Variants in CDH4 observed in about 807,000 individuals in gnomAD.
The protein encoded by CDH4 is cadherin-4.
Under a neutral mutation model 86.0 loss-of-function variants are expected in CDH4, and 33 were observed. The ratio of observed to expected loss-of-function variants is 0.38; its 90% CI spans 0.29 to 0.51. The LOEUF (loss-of-function observed/expected upper bound fraction) is 0.51, where lower values mean the gene tolerates loss of function less well. Among genes scored for constraint, CDH4 ranks in the 20% least tolerant of loss-of-function variants. The pLI is 0.86. For missense variants in CDH4, 1,114 were observed against 1,307.4 expected, an observed-to-expected ratio of 0.85 and a Z score of 2.28; for synonymous variants, 555 against 549.4, an observed-to-expected ratio of 1.01 and a Z score of -0.14.
intron 2 of CDH4, among the ~76,000 whole-genome samples, chr20:61,294,553 C>T (rs564638054): frequency 2.0e-5 from 3 of 152,382 alleles, no homozygotes; most frequent in East Asian, 1.9e-4. Context: ...AACTGGCCCA[C>T]GGTCACCATC....
chr20:61,847,633 C>T (rs73307845), intron 5 of CDH4, among the ~76,000 whole-genome samples: 3,317 of 152,274 alleles, frequency 0.022, 97 homozygotes, highest in African/African-American at 0.067. Context: ...CCTGAGGCTG[C>T]GTAATATAGA....
chr20:61,296,262 CGTGT>C (rs370558703), intron 2 of CDH4, among the ~76,000 whole-genome samples: 1 of 44,500 alleles, frequency 2.2e-5, no homozygotes, highest in African/African-American at 5.0e-5. Flanking sequence ...TGCATGTGTG[CGTGT>C]GTGTGTGTGC....
At chr20:61,434,393 G>A (rs927978297) in intron 2 of CDH4, among the ~76,000 whole-genome samples, 6 of 152,160 alleles carry the variant, frequency 3.9e-5, no homozygotes, top group Admixed American at 1.3e-4. Context: ...AGTTAAAGAC[G>A]TCTCAAGGGA....
intron 13 of CDH4, among the ~76,000 whole-genome samples, chr20:61,931,811 A>C (rs1437406900): frequency 6.6e-6 from 1 of 152,150 alleles, no homozygotes; most frequent in Admixed American, 6.5e-5. Flanking sequence ...AATCCAGTTC[A>C]GCTTGGGGGA....
At chr20:61,548,886 G>A (rs2086107738) in intron 2 of CDH4, among the ~76,000 whole-genome samples, 1 of 152,008 alleles carries the variant, frequency 6.6e-6, no homozygotes, top group South Asian at 2.1e-4. Flanking sequence ...AAGATGGCTC[G>A]TTCAGGGAAT....
At chr20:61,771,496 C>G (rs1393275255) in intron 3 of CDH4, among the ~76,000 whole-genome samples, 1 of 151,786 alleles carries the variant, frequency 6.6e-6, no homozygotes, top group Non-Finnish European at 1.5e-5. Context: ...TGGTGGCGGT[C>G]TCCTGTAATC....
chr20:61,750,056 A>G (rs1468037478), intron 3 of CDH4, among the ~76,000 whole-genome samples: 2 of 152,118 alleles, frequency 1.3e-5, no homozygotes, highest in Non-Finnish European at 2.9e-5. Flanking sequence ...GCAAGACCCT[A>G]TCAAAAAAAA....
chr20:61,866,373 T>A, intron 6 of CDH4, among the ~76,000 whole-genome samples: 1 of 152,146 alleles, frequency 6.6e-6, no homozygotes, highest in East Asian at 1.9e-4. Flanking sequence ...AGTGGGCACA[T>A]TTTGAAGGGT....
chr20:61,366,446 T>C (rs2084811281), intron 2 of CDH4, among the ~76,000 whole-genome samples: 1 of 151,958 alleles, frequency 6.6e-6, no homozygotes, highest in Admixed American at 6.6e-5. Flanking sequence ...CACAGAAATA[T>C]AGAGGTGTGA....
intron 2 of CDH4, among the ~76,000 whole-genome samples, chr20:61,410,247 C>T (rs1027830470): frequency 6.6e-6 from 1 of 152,110 alleles, no homozygotes; most frequent in East Asian, 1.9e-4. Context: ...TCCATTCATC[C>T]ACTCACACAC....
chr20:61,387,620 A>G (rs542705563), intron 2 of CDH4, among the ~76,000 whole-genome samples: 44 of 152,226 alleles, frequency 2.9e-4, no homozygotes, highest in Non-Finnish European at 5.9e-4. Context: ...ACAGACAAAA[A>G]GATACACACA....
At chr20:61,268,065 A>G (rs1305247137) in intron 2 of CDH4, among the ~76,000 whole-genome samples, 1 of 152,116 alleles carries the variant, frequency 6.6e-6, no homozygotes, top group African/African-American at 2.4e-5. Flanking sequence ...TGCTCTTTGT[A>G]CCCCTAAGGG....
intron 2 of CDH4, among the ~76,000 whole-genome samples, chr20:61,284,647 A>T (rs1168400154): frequency 6.6e-6 from 1 of 152,216 alleles, no homozygotes; most frequent in African/African-American, 2.4e-5. Context: ...GGTGCTGGTG[A>T]TGTGGGTGGT....
intron 2 of CDH4, chr20:61,599,727 G>C (rs1568705882): frequency 1.1e-6 from 1 of 902,968 alleles, no homozygotes; most frequent in East Asian, 1.2e-4. Context: ...CCGAGGCCCC[G>C]CTCCTCCTCC....
intron 2 of CDH4, among the ~76,000 whole-genome samples, chr20:61,514,976 C>A (rs536541919): frequency 6.6e-6 from 1 of 152,058 alleles, no homozygotes; most frequent in Non-Finnish European, 1.5e-5. Context: ...GGGGCGGGGG[C>A]GGGTGGCACG....
chr20:61,307,806 A>C (rs563930096), intron 2 of CDH4, among the ~76,000 whole-genome samples: 1 of 152,280 alleles, frequency 6.6e-6, no homozygotes, highest in East Asian at 1.9e-4. Flanking sequence ...AGGTGCTGGC[A>C]TGGGAAGGTG....
At chr20:61,261,842 C>A (rs972928807) in intron 2 of CDH4, among the ~76,000 whole-genome samples, 7 of 152,198 alleles carry the variant, frequency 4.6e-5, no homozygotes, top group African/African-American at 1.7e-4. Flanking sequence ...TAAGGCTCAA[C>A]TGAAGTGGGT....
At chr20:61,795,283 A>G (rs1298494461) in intron 4 of CDH4, among the ~76,000 whole-genome samples, 2 of 151,350 alleles carry the variant, frequency 1.3e-5, no homozygotes, top group Admixed American at 1.3e-4. Context: ...AAAAGCCATC[A>G]CCTTCCCAGC....
intron 2 of CDH4, among the ~76,000 whole-genome samples, chr20:61,686,672 CGTGTGCATTTGTGTGTGCAT>C (rs1568755726): frequency 1.4e-5 from 2 of 139,282 alleles, no homozygotes; most frequent in African/African-American, 5.5e-5. Context: ...CGTGTATGTG[CGTGTGCATTTGTGTGTGCAT>C]GTGTGTATGT....
Sources: allele counts gnomAD v4.1 joint callset (sites outside exome capture counted in the v4.1 genomes callset), GRCh38; gene constraint gnomAD v4.1.1; transcripts MANE v1.5; gene names NCBI Gene and HGNC (gene_info 2026-07-23, HGNC 2026-07-21).